Variants in FGF13 observed in about 807,000 individuals in gnomAD.
The protein encoded by FGF13 is fibroblast growth factor 13.
A neutral mutation model predicts 19.5 loss-of-function variants in FGF13; 2 were observed. The observed-to-expected ratio is 0.10, with a 90% CI of 0.04 to 0.32. The LOEUF (loss-of-function observed/expected upper bound fraction) is 0.32, where lower values mean the gene tolerates loss of function less well. Ranked by LOEUF, FGF13 falls within the 10% of genes least tolerant of loss-of-function variation. The pLI, the probability that FGF13 is intolerant of heterozygous loss-of-function variation, is 1.00. For missense variants in FGF13, 113 were observed against 192.7 expected, an observed-to-expected ratio of 0.59 and a Z score of 2.45; for synonymous variants, 72 against 76.9, an observed-to-expected ratio of 0.94 and a Z score of 0.33.
rs2092316084 is a variant in FGF13, at chrX:139,054,899, G to GTA, written c.-113+148516_-113+148517insTA. Among the ~76,000 whole-genome samples, 662 of 98,921 alleles carry GTA rather than the reference G, an allele frequency of 6.7e-3. 4 individuals are homozygous for GTA. Among genetic ancestry groups the GTA allele is most frequent in the African/African-American group, 0.014 (344 of 24,275 alleles). The allele number at this position is 98,921 out of a possible 115,157, so 85.9% of individuals were successfully genotyped here. A position where few individuals can be genotyped will look rare whatever the true frequency, so the allele number is the denominator to read the frequency against. The stretch of plus-strand genomic sequence containing the variant: ...GTTGTGTTGTGTTGTGTTGTGTTGT[G>GTA]TTGTATTGTATTGTATTGTATTGTA... On this transcript the variant is annotated intron_variant, in intron 1 of 2. Coordinates refer to the FGF13 transcript ENST00000421460.
intron 3 of FGF13, among the ~76,000 whole-genome samples, chrX:138,670,136 T>A (rs1000784914): frequency 8.9e-6 from 1 of 112,080 alleles, no homozygotes; most frequent in Non-Finnish European, 1.9e-5. Context: ...ACACAAATAG[T>A]CCTATCCGTT....
At chrX:138,841,535 T>C (rs1274993582) in intron 3 of FGF13, among the ~76,000 whole-genome samples, 2 of 110,290 alleles carry the variant, frequency 1.8e-5, no homozygotes, top group Non-Finnish European at 3.8e-5. Flanking sequence ...TATTTATATA[T>C]ATATAAGGAT....
chrX:138,679,057 C>G (rs1019576210), intron 3 of FGF13, among the ~76,000 whole-genome samples: 7 of 111,440 alleles, frequency 6.3e-5, no homozygotes, highest in African/African-American at 9.8e-5. Context: ...TCTCACATAA[C>G]CCCATGAATA....
At chrX:139,026,156 C>T (rs186923587) in intron 1 of FGF13, among the ~76,000 whole-genome samples, 1 of 110,853 alleles carries the variant, frequency 9.0e-6, no homozygotes, top group East Asian at 2.9e-4. Context: ...TTTTCAATAC[C>T]TAATTAACAT....
chrX:138,689,197 G>A (rs1602703093), intron 3 of FGF13, among the ~76,000 whole-genome samples: 1 of 111,879 alleles, frequency 8.9e-6, no homozygotes, highest in East Asian at 2.8e-4. Context: ...CTGCCAAAAA[G>A]AAAGGTAGCT....
Position 138,615,995 on chromosome X carries a change from T to G in FGF13, c.*16855A>C, listed in dbSNP as rs1275293110. On this transcript the variant is annotated 3_prime_UTR_variant, in exon 5 of 5. Transcript: ENST00000315930. ...TCCACCTGGTCCCACCCCTGACACA[T>G]GGGGATTATTACAATTCAAGGAGAG... 9.0e-6 allele frequency: 1 copy of G among 111,419 alleles called. No individual in the cohort carries two copies. Among genetic ancestry groups the G allele is most frequent in the Non-Finnish European group, 1.9e-5 (1 of 53,083 alleles). 9.2% of individuals were successfully genotyped at this position (111,419 alleles called of 1,213,427 possible).
At chrX:139,104,779 A>G (rs1184023195) in intron 1 of FGF13, among the ~76,000 whole-genome samples, 1 of 110,792 alleles carries the variant, frequency 9.0e-6, no homozygotes, top group Non-Finnish European at 1.9e-5. Context: ...CTCTATTCCT[A>G]TAAGGGCACT....
intron 3 of FGF13, among the ~76,000 whole-genome samples, chrX:138,687,448 G>A (rs1350713144): frequency 8.9e-6 from 1 of 111,888 alleles, no homozygotes; most frequent in Non-Finnish European, 1.9e-5. Flanking sequence ...TCAAAATAAT[G>A]AGATAGCATC....
intron 3 of FGF13, among the ~76,000 whole-genome samples, chrX:138,812,160 TACA>T: frequency 8.9e-6 from 1 of 111,873 alleles, no homozygotes; most frequent in South Asian, 3.8e-4. Context: ...AGTGGAATCA[TACA>T]ACATGTGGTC....
intron 1 of FGF13, among the ~76,000 whole-genome samples, chrX:138,935,896 C>T (rs1436022563): frequency 8.9e-6 from 1 of 112,340 alleles, no homozygotes; most frequent in African/African-American, 3.2e-5. Context: ...TTTTGATGTG[C>T]ATGAGGCACA....
At chrX:138,656,281 C>G (rs1258669705) in intron 3 of FGF13, among the ~76,000 whole-genome samples, 1 of 111,578 alleles carries the variant, frequency 9.0e-6, no homozygotes, top group Non-Finnish European at 1.9e-5. Context: ...ACTAGAGAGG[C>G]TCAGTCATAA....
chrX:139,000,474 C>A (rs2092067617), intron 1 of FGF13, among the ~76,000 whole-genome samples: 1 of 112,005 alleles, frequency 8.9e-6, no homozygotes, highest in Admixed American at 9.5e-5. Context: ...ATCTGATAAG[C>A]AACTTCAGCA....
intron 3 of FGF13, among the ~76,000 whole-genome samples, chrX:138,794,871 C>G (rs767480448): frequency 1.8e-5 from 2 of 111,792 alleles, no homozygotes; most frequent in South Asian, 7.5e-4. Context: ...ATAACTCTAG[C>G]CAGAAATAGT....
At chrX:138,672,137 T>C (rs1232570797) in intron 3 of FGF13, among the ~76,000 whole-genome samples, 9 of 110,544 alleles carry the variant, frequency 8.1e-5, no homozygotes, top group African/African-American at 3.0e-4. Flanking sequence ...GTCAGAAAGA[T>C]AGTCCCCTAG....
intron 2 of FGF13, among the ~76,000 whole-genome samples, chrX:138,862,003 A>C (rs1209003292): frequency 8.9e-6 from 1 of 112,004 alleles, no homozygotes; most frequent in Non-Finnish European, 1.9e-5. Context: ...ACGCCATCTC[A>C]AAAAAATTAA....
intron 3 of FGF13, among the ~76,000 whole-genome samples, chrX:138,651,900 G>A (rs963955060): frequency 9.0e-6 from 1 of 111,293 alleles, no homozygotes; most frequent in Non-Finnish European, 1.9e-5. Context: ...CTGTTAGTTG[G>A]CCACTATACA....
intron 1 of FGF13, among the ~76,000 whole-genome samples, chrX:139,129,154 TACACACAC>T (rs753541740): frequency 0.012 from 1,150 of 93,004 alleles, 18 homozygotes; most frequent in African/African-American, 0.044. Flanking sequence ...CATACACACA[TACACACAC>T]ACACACACAC....
intron 1 of FGF13, among the ~76,000 whole-genome samples, chrX:138,724,256 T>C (rs930020928): frequency 8.9e-5 from 10 of 112,111 alleles, no homozygotes; most frequent in African/African-American, 2.9e-4. Flanking sequence ...AGGTAATCAA[T>C]GTCTTGTCAC....
At chrX:138,808,258 A>G (rs1330282328) in intron 3 of FGF13, among the ~76,000 whole-genome samples, 2 of 112,269 alleles carry the variant, frequency 1.8e-5, no homozygotes, top group African/African-American at 6.5e-5. Context: ...ACCACAGTGC[A>G]ATCAAACTAG....
Sources: gnomAD v4.1 joint callset for allele counts (sites outside exome capture counted in the v4.1 genomes callset) on GRCh38, gnomAD v4.1.1 for gene constraint, MANE v1.5 for transcripts, NCBI Gene and HGNC (gene_info 2026-07-23, HGNC 2026-07-21) for gene names.